The following MAP3K13 variants were observed in gnomAD, a reference collection of about 807,000 sequenced individuals.
MAP3K13 encodes the protein leucine zipper-bearing kinase.
In MAP3K13, 52 loss-of-function variants were observed where a neutral mutation model predicts 104.0. That is an observed-to-expected ratio of 0.50 (90% CI 0.40 to 0.63). MAP3K13 has a LOEUF of 0.63. Ranked by LOEUF, MAP3K13 falls within the 20% of genes least tolerant of loss-of-function variation. The pLI is 0.00. For missense variants in MAP3K13, 914 were observed against 1,218.5 expected, an observed-to-expected ratio of 0.75 and a Z score of 3.72; for synonymous variants, 394 against 442.2, an observed-to-expected ratio of 0.89 and a Z score of 1.37.
intron 2 of MAP3K13, among the ~76,000 whole-genome samples, chr3:185,357,089 A>T (rs1723387152): frequency 6.6e-6 from 1 of 150,578 alleles, no homozygotes; most frequent in South Asian, 2.1e-4. Context: ...GAAGTTAGAG[A>T]GTTAAGAAGT....
chr3:185,384,998 A>G (rs1160393280), intron 1 of MAP3K13, among the ~76,000 whole-genome samples: 1 of 152,136 alleles, frequency 6.6e-6, no homozygotes, highest in Non-Finnish European at 1.5e-5. Context: ...TTGAAGTCTT[A>G]GCTGTAAAAT....
At chr3:185,292,909 T>C (rs1005071370) in intron 2 of MAP3K13, 15 of 984,316 alleles carry the variant, frequency 1.5e-5, no homozygotes, top group African/African-American at 1.7e-5. Flanking sequence ...GTGAAACTTT[T>C]TTACTAAAAT....
chr3:185,431,502 A>T (rs1714741053), intron 2 of MAP3K13, among the ~76,000 whole-genome samples: 1 of 152,224 alleles, frequency 6.6e-6, no homozygotes, highest in African/African-American at 2.4e-5. Context: ...AATTCAAAAG[A>T]TGTGTTGTTT....
rs752774115 is a variant in MAP3K13, at chr3:185,437,512, G to A, written c.541G>A (p.Ala181Thr). The stretch of plus-strand genomic sequence containing the variant: ...GTGGCTGGGTAGTGGAGCCCAAGGA[G>A]CGGTCTTCTTGGGCAAGTTCCGGGC... ...LQWLGSGAQGAVFLGKFRAEE... is the reference protein window; with the variant it reads ...LQWLGSGAQGTVFLGKFRAEE... The change falls in exon 3 of 14, where the codon GCG becomes ACG. Residue 181 changes from alanine (A) to threonine (T), a missense_variant. Ala to Thr is a moderately conservative substitution (Grantham distance 58). Transcript: ENST00000265026. 17 of 1,614,086 alleles carry A rather than the reference G, an allele frequency of 1.1e-5. No homozygotes were observed. The highest frequency in any genetic ancestry group is 1.4e-5 in the Non-Finnish European group (17 of 1,179,998).
chr3:185,348,019 A>T (rs563995887), intron 2 of MAP3K13, among the ~76,000 whole-genome samples: 1 of 151,706 alleles, frequency 6.6e-6, no homozygotes. Flanking sequence ...TCTCAAAAAA[A>T]AAAAAAAAGA....
chr3:185,361,132 A>T (rs1335986126), upstream of MAP3K13, among the ~76,000 whole-genome samples: 1 of 150,002 alleles, frequency 6.7e-6, no homozygotes, highest in Non-Finnish European at 1.5e-5. Context: ...GTATACACAC[A>T]TATATACATA....
At chr3:185,351,144 G>C (rs1219306570) in intron 2 of MAP3K13, among the ~76,000 whole-genome samples, 1 of 152,180 alleles carries the variant, frequency 6.6e-6, no homozygotes, top group East Asian at 1.9e-4. Flanking sequence ...TCACTTATAA[G>C]TGGGAGCTAA....
chr3:185,333,841 C>G (rs1317410516), intron 2 of MAP3K13, among the ~76,000 whole-genome samples: 1 of 152,146 alleles, frequency 6.6e-6, no homozygotes, highest in Non-Finnish European at 1.5e-5. Flanking sequence ...ATTGCCTGAG[C>G]TCAGGAGTTC....
chr3:185,303,438 A>G (rs115678409), intron 2 of MAP3K13, among the ~76,000 whole-genome samples: 2,712 of 152,112 alleles, frequency 0.018, 70 homozygotes, highest in African/African-American at 0.062. Flanking sequence ...CATTGAAGGC[A>G]TCTGGTCCTG....
At chr3:185,403,748 G>A (rs1712950045) in intron 1 of MAP3K13, among the ~76,000 whole-genome samples, 1 of 152,144 alleles carries the variant, frequency 6.6e-6, no homozygotes, top group Admixed American at 6.5e-5. Flanking sequence ...TATATATACA[G>A]ATAAACCTAA....
intron 1 of MAP3K13, among the ~76,000 whole-genome samples, chr3:185,400,907 T>TG (rs891147624): frequency 1.1e-3 from 21 of 18,954 alleles, no homozygotes; most frequent in Non-Finnish European, 1.9e-3. Flanking sequence ...GTTTGTTTGT[T>TG]TTTTTTTTTT....
At chr3:185,468,133 C>T (rs964219927) in intron 10 of MAP3K13, among the ~76,000 whole-genome samples, 4 of 152,092 alleles carry the variant, frequency 2.6e-5, no homozygotes, top group African/African-American at 7.2e-5. Context: ...CCAGGCCCCA[C>T]CTCCAACAGT....
At chr3:185,374,703 A>C (rs901596980) in intron 1 of MAP3K13, among the ~76,000 whole-genome samples, 5 of 152,052 alleles carry the variant, frequency 3.3e-5, no homozygotes, top group Non-Finnish European at 1.5e-5. Flanking sequence ...GTCATATACC[A>C]GGCCAGATTG....
chr3:185,443,501 GACA>G lies in MAP3K13; in HGVS notation c.719_721del (p.Gln240del), dbSNP rs1348189708. The stretch of plus-strand genomic sequence containing the variant: ...ATTATCATGGAATACTGTGCCCATG[GACA>G]ACTCTACGAGGTCTTACGAGCTGGC... On this transcript the variant is annotated inframe_deletion, in exon 4 of 14. Transcript: ENST00000265026. 3.1e-6 allele frequency: 5 copies of G among 1,613,930 alleles called. No homozygotes were observed. Among genetic ancestry groups the G allele is most frequent in the Non-Finnish European group, 4.2e-6 (5 of 1,180,000 alleles).
chr3:185,332,759 T>C (rs1322041943), intron 2 of MAP3K13, among the ~76,000 whole-genome samples: 1 of 152,236 alleles, frequency 6.6e-6, no homozygotes, highest in Non-Finnish European at 1.5e-5. Context: ...CCATTGTATG[T>C]ATATGCCATG....
chr3:185,321,406 C>T (rs1204924590), intron 2 of MAP3K13, among the ~76,000 whole-genome samples: 2 of 152,168 alleles, frequency 1.3e-5, no homozygotes, highest in Non-Finnish European at 1.5e-5. Flanking sequence ...TCACTCTCAG[C>T]ATGTAGCTAA....
Position 185,428,728 on chromosome 3 carries a change from G to A in MAP3K13, c.147G>A (p.Lys49=). 1.9e-6 allele frequency: 3 copies of A among 1,614,202 alleles called. No individual in the cohort carries two copies. Among genetic ancestry groups the A allele is most frequent in the Non-Finnish European group, 2.5e-6 (3 of 1,180,036 alleles). The change falls in exon 2 of 14, where the codon AAG becomes AAA. Residue 49 remains lysine, a synonymous_variant. Coordinates refer to ENST00000265026, the MANE Select transcript of MAP3K13 (RefSeq NM_004721.5). ...SPKLLEDQQE[K]GMVRTELIES... ...AGCTGCTCGAGGACCAGCAGGAAAA[G>A]GGGATGGTACGAACAGAGCTAATCG...
rs1718819401 is a variant in MAP3K13 at position 185,488,296 on chromosome 3, G to C, written c.*5840G>C. 1 of 152,102 alleles carries C rather than the reference G, an allele frequency of 6.6e-6. No individual in the cohort carries two copies. The highest frequency in any genetic ancestry group is 6.5e-5 in the Admixed American group (1 of 15,268). 9.4% of individuals were successfully genotyped at this position (152,102 alleles called of 1,614,324 possible). A position where few individuals can be genotyped will look rare whatever the true frequency, so the allele number is the denominator to read the frequency against. On this transcript the variant is annotated 3_prime_UTR_variant, in exon 14 of 14. Coordinates refer to ENST00000265026, the MANE Select transcript of MAP3K13 (RefSeq NM_004721.5). ...CTGATTTCATAGGACAAATATCCTA[G>C]CATACTCACACCACCAGTGTCCCAC...
At chr3:185,396,950 G>A (rs1472201532) in intron 1 of MAP3K13, among the ~76,000 whole-genome samples, 2 of 152,272 alleles carry the variant, frequency 1.3e-5, no homozygotes, top group African/African-American at 4.8e-5. Flanking sequence ...CTTGCTATAC[G>A]TGTCATTGTT....
Sources: allele counts gnomAD v4.1 joint callset (sites outside exome capture counted in the v4.1 genomes callset), GRCh38; gene constraint gnomAD v4.1.1; transcripts MANE v1.5; gene names NCBI Gene and HGNC (gene_info 2026-07-23, HGNC 2026-07-21).